Variants in PRDM16 observed in about 807,000 individuals in gnomAD.
PRDM16 encodes PR/SET domain 16.
PRDM16 carries 23 observed loss-of-function variants against 110.6 expected under a neutral mutation model. That is an observed-to-expected ratio of 0.21 (90% confidence interval 0.15 to 0.29). The LOEUF is 0.29. Among genes scored for constraint, PRDM16 ranks in the 10% least tolerant of loss-of-function variants. PRDM16 has a pLI of 1.00. For missense variants in PRDM16, 1,615 were observed against 1,794.3 expected (o/e 0.90, Z 1.81); for synonymous variants, 799 against 781.8 (o/e 1.02, Z -0.37).
chr1:3,265,973 G>A lies in PRDM16; in HGVS notation c.438+21836G>A, dbSNP rs1200792334. On this transcript the variant is annotated intron_variant, in intron 3 of 16. Coordinates refer to ENST00000270722, the MANE Select transcript of PRDM16 (RefSeq NM_022114.4). This position sits in a 1 kb window ranked among gnomAD's most constrained non-coding sequence, Gnocchi z 4.5. ...AGGCCAGGCCCAGCCCCCAACTCAA[G>A]GGCCGCCCTCCAGCCTAGCGACGCC... Among the ~76,000 whole-genome samples the A allele has an allele frequency of 6.6e-6, 1 of 152,128 alleles. No individual in the cohort carries two copies. The highest frequency in any genetic ancestry group is 1.9e-4 in the East Asian group (1 of 5,174).
chr1:3,262,852 C>T (rs1004316872), intron 3 of PRDM16, among the ~76,000 whole-genome samples: 1 of 152,062 alleles, frequency 6.6e-6, no homozygotes, highest in Non-Finnish European at 1.5e-5. Flanking sequence ...ACACAGACAA[C>T]ACGAGGGTGT....
At chr1:3,225,193 A>G (rs1315242144) in intron 2 of PRDM16, among the ~76,000 whole-genome samples, 1 of 152,246 alleles carries the variant, frequency 6.6e-6, no homozygotes, top group East Asian at 1.9e-4. Context: ...TTTGGACACA[A>G]AATAGCTCTT....
Position 3,297,046 on chromosome 1 carries a change from A to G in PRDM16, c.438+52909A>G, listed in dbSNP as rs13375030. Among the ~76,000 whole-genome samples, 695 of 152,230 alleles carry G rather than the reference A, an allele frequency of 4.6e-3. 10 individuals are homozygous for G. Among genetic ancestry groups the G allele is most frequent in the African/African-American group, 0.016 (668 of 41,532 alleles). ...TACTGTACTGAAAGTAAAAACCATA[A>G]TGGCTGCGTGGGCCCTCAGTGTGCG... On this transcript the variant is annotated intron_variant, in intron 3 of 16. Coordinates refer to ENST00000270722, the MANE Select transcript of PRDM16 (RefSeq NM_022114.4).
chr1:3,407,643 T>G (rs912950193), intron 8 of PRDM16, among the ~76,000 whole-genome samples: 15 of 152,174 alleles, frequency 9.9e-5, no homozygotes, highest in Non-Finnish European at 1.8e-4. Context: ...AAATTGGACC[T>G]AGGTTTAAAC....
chr1:3,073,749 G>A (rs748776517), intron 1 of PRDM16, among the ~76,000 whole-genome samples: 88 of 152,316 alleles, frequency 5.8e-4, no homozygotes, highest in East Asian at 1.9e-4. Flanking sequence ...CTACCGCGGA[G>A]CAGCGCCCGC....
intron 3 of PRDM16, among the ~76,000 whole-genome samples, chr1:3,273,819 T>TGA (rs1640519416): frequency 1.6e-5 from 1 of 64,412 alleles, no homozygotes; most frequent in Non-Finnish European, 2.5e-5. Flanking sequence ...GGCATGTAAG[T>TGA]GTGTGTGTGT....
chr1:3,240,432 G>T (rs1018134751), intron 2 of PRDM16, among the ~76,000 whole-genome samples: 118 of 150,248 alleles, frequency 7.9e-4, no homozygotes, highest in African/African-American at 2.8e-3. Context: ...AACAGAAAAA[G>T]AAGAAGAAGA....
intron 3 of PRDM16, among the ~76,000 whole-genome samples, chr1:3,313,738 G>T (rs1173809319): frequency 2.0e-5 from 3 of 152,280 alleles, no homozygotes; most frequent in Admixed American, 2.0e-4. Context: ...TCCTGCCCCG[G>T]CGGGCCTGGG....
chr1:3,142,995 G>A (rs1001674567), intron 1 of PRDM16, among the ~76,000 whole-genome samples: 8 of 152,242 alleles, frequency 5.3e-5, no homozygotes, highest in Admixed American at 3.3e-4. Flanking sequence ...AAGGGAATCC[G>A]ATGCATTTGC....
intron 3 of PRDM16, among the ~76,000 whole-genome samples, chr1:3,352,445 G>T (rs1396827017): frequency 6.6e-6 from 1 of 152,202 alleles, no homozygotes; most frequent in African/African-American, 2.4e-5. Context: ...CAGTGGGCTG[G>T]GGGAGGGGAC....
At chr1:3,193,614 A>T (rs1638375430) in intron 2 of PRDM16, among the ~76,000 whole-genome samples, 2 of 152,144 alleles carry the variant, frequency 1.3e-5, no homozygotes, top group African/African-American at 4.8e-5. Context: ...CAACCCAGGG[A>T]GCTCCTGTGG....
chr1:3,272,511 C>T (rs1488741296), intron 3 of PRDM16, among the ~76,000 whole-genome samples: 4 of 152,166 alleles, frequency 2.6e-5, no homozygotes, highest in African/African-American at 7.2e-5. Context: ...CGGGGAGGCT[C>T]GCACTGGGGG....
chr1:3,323,782 G>T (rs572345604), intron 3 of PRDM16, among the ~76,000 whole-genome samples: 1 of 152,248 alleles, frequency 6.6e-6, no homozygotes, highest in Admixed American at 6.5e-5. Flanking sequence ...GCTTTTCCCC[G>T]AGTATTTACA....
At chr1:3,089,121 C>T (rs970683988) in intron 1 of PRDM16, among the ~76,000 whole-genome samples, 12 of 152,330 alleles carry the variant, frequency 7.9e-5, no homozygotes, top group Admixed American at 2.6e-4. Context: ...GTACCTGGCC[C>T]CTTGTCGCCC....
At chr1:3,312,225 C>T (rs1641478846) in intron 3 of PRDM16, among the ~76,000 whole-genome samples, 1 of 152,258 alleles carries the variant, frequency 6.6e-6, no homozygotes, top group Non-Finnish European at 1.5e-5. Context: ...AGTGGACATC[C>T]ATGGCGCCGT....
At position 3,350,587 on chromosome 1, in the gene PRDM16, C is replaced by T. The variant is rs540003517; in HGVS notation, c.439-34565C>T. The stretch of plus-strand genomic sequence containing the variant: ...GACCAGGGTGGCAGGCAGCTGTGGG[C>T]GGGTGGAAAGCAGAGCTGGGAGCCA... On this transcript the variant is annotated intron_variant, in intron 3 of 16. Transcript: ENST00000270722. The surrounding 1 kb of genome is among the most constrained non-coding windows in gnomAD (Gnocchi z 7.1). Among the ~76,000 whole-genome samples the T allele has an allele frequency of 2.6e-4, 39 of 152,170 alleles. No individual in the cohort carries two copies. In the Middle Eastern group the frequency reaches 0.01, roughly 40 times the overall value.
intron 12 of PRDM16, among the ~76,000 whole-genome samples, chr1:3,424,335 C>T (rs920341800): frequency 3.3e-5 from 5 of 152,264 alleles, no homozygotes; most frequent in South Asian, 4.1e-4. Flanking sequence ...AGGGTCACCA[C>T]GTGTGGCTGT....
intron 2 of PRDM16, among the ~76,000 whole-genome samples, chr1:3,210,096 C>G (rs1161116242): frequency 1.3e-5 from 2 of 152,252 alleles, no homozygotes; most frequent in Admixed American, 6.5e-5. Flanking sequence ...GAACAGAAAT[C>G]TATTCAATAA....
chr1:3,185,505 G>C (rs1323174279), intron 1 of PRDM16, among the ~76,000 whole-genome samples: 1 of 151,720 alleles, frequency 6.6e-6, no homozygotes. Flanking sequence ...TCCAGGCTGC[G>C]GCCCAAGTGC....
Sources: allele counts gnomAD v4.1 joint callset (sites outside exome capture counted in the v4.1 genomes callset), GRCh38; gene constraint gnomAD v4.1.1; non-coding constraint Gnocchi (gnomAD v3.1); transcripts MANE v1.5; gene names NCBI Gene and HGNC (gene_info 2026-07-23, HGNC 2026-07-21).